Variants in HORMAD2 observed in about 807,000 individuals in gnomAD.
HORMAD2 encodes HORMA domain containing 2, also known as HORMA domain-containing protein 2.
HORMAD2 carries 45 observed loss-of-function variants against 38.8 expected under a neutral mutation model. The observed-to-expected ratio is 1.16, with a 90% CI of 0.91 to 1.49. The LOEUF is 1.49. Among genes scored for constraint, HORMAD2 ranks in the 40% most tolerant of loss-of-function variants. The pLI is 0.00. For synonymous variants in HORMAD2, 126 were observed against 122.8 expected (o/e 1.03, Z -0.17); for missense variants, 338 against 367.0 (o/e 0.92, Z 0.65).
At chr22:30,179,889 C>CTTTTA (rs1217781725), downstream of HORMAD2, among the ~76,000 whole-genome samples, 1 of 151,856 alleles carries the variant, frequency 6.6e-6, no homozygotes, top group Non-Finnish European at 1.5e-5. Context: ...TCTCATTAAA[C>CTTTTA]TTTTATTTTA....
chr22:30,108,556 A>G (rs529953895), intron 5 of HORMAD2, among the ~76,000 whole-genome samples: 39 of 152,076 alleles, frequency 2.6e-4, no homozygotes, highest in African/African-American at 8.9e-4. Context: ...TTACTTCCCT[A>G]GGGAAGTAAA....
rs866754821 is a variant in HORMAD2, at chr22:30,089,568, G to A, written c.-37-4348G>A. On this transcript the variant is annotated intron_variant, in intron 1 of 10. Coordinates refer to ENST00000336726, the MANE Select transcript of HORMAD2 (RefSeq NM_152510.4). ...GGATTTCACCATGTTGGCCAGGATG[G>A]TCTTGATCTCCTGACCTCGTGATCC... Among the ~76,000 whole-genome samples the A allele has an allele frequency of 5.3e-5, 8 of 152,142 alleles. 1 individual carries two copies. In the Middle Eastern group the frequency reaches 0.017, roughly 323 times the overall value.
At chr22:30,125,388 C>G (rs554426373) in intron 10 of HORMAD2, among the ~76,000 whole-genome samples, 1 of 151,580 alleles carries the variant, frequency 6.6e-6, no homozygotes, top group Non-Finnish European at 1.5e-5. Flanking sequence ...GCCACCACAC[C>G]CAGCTAATTT....
intron 7 of HORMAD2, among the ~76,000 whole-genome samples, chr22:30,116,809 T>TA (rs1227885834): frequency 6.6e-6 from 1 of 152,124 alleles, no homozygotes; most frequent in Non-Finnish European, 1.5e-5. Flanking sequence ...TGTTACAATT[T>TA]AAAAAAACAA....
At chr22:30,163,948 C>T (rs944764833) in intron 10 of HORMAD2, among the ~76,000 whole-genome samples, 1 of 151,916 alleles carries the variant, frequency 6.6e-6, no homozygotes, top group African/African-American at 2.4e-5. Context: ...AACAATAATT[C>T]CTCATCTCCC....
intron 1 of HORMAD2, among the ~76,000 whole-genome samples, chr22:30,092,757 A>G (rs1443657286): frequency 2.0e-5 from 3 of 152,052 alleles, no homozygotes; most frequent in Non-Finnish European, 4.4e-5. Context: ...CTTTTCCCCA[A>G]TGTATGTTCT....
intron 10 of HORMAD2, among the ~76,000 whole-genome samples, chr22:30,134,803 G>A (rs898419427): frequency 6.6e-6 from 1 of 152,024 alleles, no homozygotes; most frequent in African/African-American, 2.4e-5. Flanking sequence ...CATCATAGGA[G>A]GGTAGTGTAC....
At chr22:30,148,831 C>T (rs531812130) in intron 10 of HORMAD2, among the ~76,000 whole-genome samples, 2 of 152,062 alleles carry the variant, frequency 1.3e-5, no homozygotes, top group Non-Finnish European at 2.9e-5. Context: ...GGTGAAACCC[C>T]GTCTCTACTA....
rs1925894685 is a variant in HORMAD2 at position 30,168,118 on chromosome 22, C to G, written c.820-7945C>G. ...TAAGTAAAACTCTACATTATTTTTA[C>G]AAATCTATGATCAACTGCTTTTCCC... On this transcript the variant is annotated intron_variant, in intron 10 of 10. Transcript: ENST00000336726. 7.2e-5 allele frequency among the ~76,000 whole-genome samples: 11 copies of G among 152,228 alleles called. No homozygotes were observed. The South Asian group carries it at 2.3e-3, about 32-fold the overall frequency.
the HORMAD2 span, among the ~76,000 whole-genome samples, chr22:30,203,669 C>T: frequency 7.2e-5 from 11 of 152,296 alleles, no homozygotes; most frequent in Non-Finnish European, 1.5e-4. Flanking sequence ...CATAAACACA[C>T]TCCTATATGT....
intron 2 of HORMAD2, among the ~76,000 whole-genome samples, chr22:30,096,024 A>C (rs2068775693): frequency 6.6e-6 from 1 of 152,144 alleles, no homozygotes; most frequent in African/African-American, 2.4e-5. Context: ...TACTTTATAT[A>C]AATGAAATCA....
chr22:30,203,583 C>T, the HORMAD2 span, among the ~76,000 whole-genome samples: 19 of 152,234 alleles, frequency 1.2e-4, 1 homozygote, highest in African/African-American at 4.8e-5. Flanking sequence ...ACACATACAA[C>T]AGCACACATA....
At chr22:30,086,407 A>T (rs2068572251) in intron 1 of HORMAD2, among the ~76,000 whole-genome samples, 1 of 152,214 alleles carries the variant, frequency 6.6e-6, no homozygotes, top group South Asian at 2.1e-4. Context: ...AGGCAGAAGG[A>T]ATATTGCAAA....
chr22:30,095,739 C>G (rs2068770335), intron 2 of HORMAD2, among the ~76,000 whole-genome samples: 1 of 152,120 alleles, frequency 6.6e-6, no homozygotes, highest in Admixed American at 6.6e-5. Flanking sequence ...GCATGCCTGG[C>G]TGAAAGAACT....
chr22:30,077,912 A>G (rs2068403461), upstream of HORMAD2, among the ~76,000 whole-genome samples: 1 of 152,260 alleles, frequency 6.6e-6, no homozygotes, highest in South Asian at 2.1e-4. Flanking sequence ...ACTGAGGAAC[A>G]GTTAATTCAG....
chr22:30,138,252 T>TG (rs1282143097), intron 10 of HORMAD2, among the ~76,000 whole-genome samples: 1 of 151,876 alleles, frequency 6.6e-6, no homozygotes, highest in Non-Finnish European at 1.5e-5. Context: ...CATTTTTTTT[T>TG]TTTTTGAGAC....
chr22:30,145,749 G>A (rs1924374422), intron 10 of HORMAD2, among the ~76,000 whole-genome samples: 1 of 152,274 alleles, frequency 6.6e-6, no homozygotes, highest in African/African-American at 2.4e-5. Context: ...CAGAAATTTG[G>A]TGGGATTTTA....
chr22:30,134,435 TATA>T (rs1169650270), intron 10 of HORMAD2, among the ~76,000 whole-genome samples: 2 of 147,232 alleles, frequency 1.4e-5, no homozygotes, highest in African/African-American at 4.9e-5. Context: ...ATACTTAAAG[TATA>T]ATCATAAATA....
At chr22:30,146,275 G>A (rs1015907114) in intron 10 of HORMAD2, among the ~76,000 whole-genome samples, 1 of 152,022 alleles carries the variant, frequency 6.6e-6, no homozygotes, top group African/African-American at 2.4e-5. Flanking sequence ...AGTGGATCAC[G>A]AGGTCAGGAG....
Sources: gnomAD v4.1 joint callset for allele counts (sites outside exome capture counted in the v4.1 genomes callset) on GRCh38, gnomAD v4.1.1 for gene constraint, MANE v1.5 for transcripts, NCBI Gene and HGNC (gene_info 2026-07-23, HGNC 2026-07-21) for gene names.